REEP1: variants seen among roughly 807,000 people sequenced by gnomAD.
REEP1 encodes the protein receptor expression-enhancing protein 1.
Under a neutral mutation model 40.3 loss-of-function variants are expected in REEP1, and 22 were observed. That is an observed-to-expected ratio of 0.55 (90% confidence interval 0.39 to 0.78). The LOEUF is 0.78. REEP1 is among the 30% of genes least tolerant of loss of function. The probability of loss-of-function intolerance (pLI) is 0.00; values close to 1 mark genes in which losing one functional copy is unlikely to be tolerated. For missense variants in REEP1, 280 were observed against 361.1 expected (o/e 0.78, Z 1.82); for synonymous variants, 116 against 139.2 (o/e 0.83, Z 1.17).
intron 3 of REEP1, among the ~76,000 whole-genome samples, chr2:86,257,700 C>T (rs1439801566): frequency 2.0e-5 from 3 of 151,064 alleles, no homozygotes; most frequent in Non-Finnish European, 2.9e-5. Context: ...TGCAGTGGCA[C>T]GGTCTCAGCT....
At chr2:86,288,484 A>AC (rs1678529958) in intron 1 of REEP1, among the ~76,000 whole-genome samples, 1 of 152,192 alleles carries the variant, frequency 6.6e-6, no homozygotes, top group Admixed American at 6.5e-5. Context: ...ACTACTGTGT[A>AC]CCACTTTACT....
chr2:86,250,112 C>T (rs1007332735), intron 5 of REEP1, among the ~76,000 whole-genome samples: 7 of 152,298 alleles, frequency 4.6e-5, no homozygotes, highest in Admixed American at 4.6e-4. Context: ...AGGGGACAGG[C>T]AGTGACTGGC....
intron 1 of REEP1, among the ~76,000 whole-genome samples, chr2:86,307,568 G>T (rs192329088): frequency 6.6e-6 from 1 of 152,022 alleles, no homozygotes. Flanking sequence ...TTTGAGACCC[G>T]CCTGGGCAAG....
intron 2 of REEP1, among the ~76,000 whole-genome samples, chr2:86,280,258 T>TAA (rs1678001133): frequency 6.6e-6 from 1 of 152,230 alleles, no homozygotes; most frequent in African/African-American, 2.4e-5. Flanking sequence ...AAACCTAATC[T>TAA]AAACTCTTGC....
intron 1 of REEP1, among the ~76,000 whole-genome samples, chr2:86,332,489 A>G (rs1680821686): frequency 6.7e-6 from 1 of 149,378 alleles, no homozygotes; most frequent in East Asian, 2.0e-4. Flanking sequence ...ACTCACATAC[A>G]CTCATACGTA....
chr2:86,296,242 T>G (rs1207836099), intron 1 of REEP1, among the ~76,000 whole-genome samples: 2 of 152,240 alleles, frequency 1.3e-5, no homozygotes, highest in Admixed American at 1.3e-4. Context: ...ATGCACGCTC[T>G]GTACACAGCT....
Position 86,217,088 on chromosome 2 carries a change from G to A in REEP1, c.806C>T (p.Ser269Phe), listed in dbSNP as rs200537429. 4.3e-5 allele frequency: 70 copies of A among 1,614,000 alleles called. No individual in the cohort carries two copies. Among genetic ancestry groups the A allele is most frequent in the Non-Finnish European group, 5.8e-5 (69 of 1,179,988 alleles). Residue 269 changes from serine to phenylalanine, a missense_variant, in exon 9 of 9, where the codon TCT (serine) becomes TTT (phenylalanine). By Grantham distance (155) the Ser-to-Phe change is radical. Around this residue, in one of 3 missense-constraint regions of REEP1, gnomAD observed 201 missense variants for 238.5 expected, o/e 0.84. Coordinates refer to ENST00000538924, the MANE Select transcript of REEP1 (RefSeq NM_001371279.1). Reference sequence around the variant, plus strand: ...TGAGGTACTTTTCTTCCTGAAGCGAGATCGAAGGATTCTAGGCGGTGCCTG... The same window carrying A: ...TGAGGTACTTTTCTTCCTGAAGCGAAATCGAAGGATTCTAGGCGGTGCCTG... ...PLEAPPRILR[S>F]RFRKKSTSSS...
chr2:86,220,452 A>G (rs952748044), intron 7 of REEP1, among the ~76,000 whole-genome samples: 1 of 152,218 alleles, frequency 6.6e-6, no homozygotes, highest in Non-Finnish European at 1.5e-5. Flanking sequence ...TAACTGAGAC[A>G]CATCAATCCC....
At chr2:86,322,758 A>T in intron 1 of REEP1, among the ~76,000 whole-genome samples, 1 of 149,788 alleles carries the variant, frequency 6.7e-6, no homozygotes, top group East Asian at 1.9e-4. Flanking sequence ...CTGGCCCCCA[A>T]TTTTTTTTTT....
At chr2:86,223,471 C>G (rs917972558) in intron 7 of REEP1, 6 of 152,280 alleles carry the variant, frequency 3.9e-5, no homozygotes, top group African/African-American at 1.4e-4. Flanking sequence ...GAAGAGCACG[C>G]CTGTCTGGAA....
intron 1 of REEP1, among the ~76,000 whole-genome samples, chr2:86,314,142 G>A (rs951347766): frequency 1.3e-4 from 20 of 152,146 alleles, no homozygotes; most frequent in African/African-American, 4.6e-4. Flanking sequence ...AATTCTCCCG[G>A]GAGCAGTGCT....
chr2:86,227,318 G>C, intron 7 of REEP1, 45 bp downstream of exon 7: 1 of 1,231,248 alleles, frequency 8.1e-7, no homozygotes, highest in Non-Finnish European at 1.0e-6. Context: ...AGCTCTTTCC[G>C]AGTGAGAGTC....
At chr2:86,226,234 G>C (rs1416036037) in intron 7 of REEP1, among the ~76,000 whole-genome samples, 1 of 151,998 alleles carries the variant, frequency 6.6e-6, no homozygotes, top group Non-Finnish European at 1.5e-5. Context: ...GGGAAGCAGG[G>C]ATCTCATCTC....
intron 7 of REEP1, among the ~76,000 whole-genome samples, chr2:86,220,711 T>G (rs1674370688): frequency 6.6e-6 from 1 of 152,018 alleles, no homozygotes; most frequent in African/African-American, 2.4e-5. Context: ...TTGTTTGTTT[T>G]TTTTTTTGCG....
At chr2:86,230,833 C>T (rs1674970821) in intron 6 of REEP1, among the ~76,000 whole-genome samples, 1 of 152,198 alleles carries the variant, frequency 6.6e-6, no homozygotes, top group Non-Finnish European at 1.5e-5. Context: ...TGGCTACCCC[C>T]TTCGAACTTC....
chr2:86,289,981 A>G (rs1243620546), intron 1 of REEP1, among the ~76,000 whole-genome samples: 1 of 152,092 alleles, frequency 6.6e-6, no homozygotes. Context: ...TAATGACTCC[A>G]TTTATATGCT....
intron 5 of REEP1, among the ~76,000 whole-genome samples, chr2:86,238,529 A>G (rs1675484812): frequency 6.6e-6 from 1 of 152,226 alleles, no homozygotes; most frequent in South Asian, 2.1e-4. Flanking sequence ...TGCATGAATG[A>G]ACGTATGACC....
At chr2:86,281,298 C>T (rs372136023) in intron 2 of REEP1, among the ~76,000 whole-genome samples, 18 of 152,168 alleles carry the variant, frequency 1.2e-4, no homozygotes, top group African/African-American at 4.1e-4. Context: ...CCTCCCAGAT[C>T]CCCTTCCTAT....
At chr2:86,322,810 C>T (rs1249105097) in intron 1 of REEP1, among the ~76,000 whole-genome samples, 3 of 151,946 alleles carry the variant, frequency 2.0e-5, no homozygotes, top group African/African-American at 4.8e-5. Context: ...GTCCTAACTA[C>T]TCGAGAGGCT....
Sources: gnomAD v4.1 joint callset for allele counts (sites outside exome capture counted in the v4.1 genomes callset) on GRCh38, gnomAD v4.1.1 for gene constraint, gnomAD v4.1.1 regional missense constraint, MANE v1.5 for transcripts, NCBI Gene and HGNC (gene_info 2026-07-23, HGNC 2026-07-21) for gene names.